Variants in CRACDL observed in about 807,000 individuals in gnomAD.
CRACDL encodes the protein CRACD-like protein.
Under a neutral mutation model 70.6 loss-of-function variants are expected in CRACDL, and 26 were observed. The observed-to-expected ratio is 0.37, with a 90% confidence interval of 0.27 to 0.51. The LOEUF is 0.51. Among genes scored for constraint, CRACDL ranks in the 20% least tolerant of loss-of-function variants. The pLI is 0.94. For missense variants in CRACDL, 1,283 were observed against 1,376.9 expected, an observed-to-expected ratio of 0.93 and a Z score of 1.08; for synonymous variants, 618 against 615.2, an observed-to-expected ratio of 1.00 and a Z score of -0.07.
chr2:98,833,903 A>T (rs970853729), intron 3 of CRACDL, among the ~76,000 whole-genome samples: 6 of 152,014 alleles, frequency 3.9e-5, no homozygotes, highest in Admixed American at 3.3e-4. Flanking sequence ...GGCATTAAGG[A>T]CTCTGAGGTG....
In CRACDL at chr2:98,794,593, C is replaced by G; in HGVS notation, c.2828G>C (p.Trp943Ser). 6.2e-7 allele frequency: 1 copy of G among 1,613,766 alleles called. No individual in the cohort carries two copies. The change falls in exon 10 of 10, where the codon TGG becomes TCG. Residue 943 changes from tryptophan (W) to serine (S), a missense_variant. Trp to Ser is a radical substitution (Grantham distance 177). Around this residue, in one of 2 missense-constraint regions of CRACDL, gnomAD observed 921 missense variants for 881.9 expected, o/e 1.04. Coordinates refer to ENST00000397899, the MANE Select transcript of CRACDL (RefSeq NM_207362.3). Reference protein sequence around the residue: ...ASYASTDQPSWMELARKKSQA... With the variant: ...ASYASTDQPSSMELARKKSQA... ...AGATTTCTTTCTGGCAAGTTCCATCCAGGATGGCTGATCTGTACTGGCATA... is the reference window on the plus strand; with the variant it reads ...AGATTTCTTTCTGGCAAGTTCCATCGAGGATGGCTGATCTGTACTGGCATA...
At chr2:98,918,487 G>A (rs1380506274) in intron 1 of CRACDL, among the ~76,000 whole-genome samples, 3 of 139,198 alleles carry the variant, frequency 2.2e-5, no homozygotes, top group Admixed American at 7.8e-5. Context: ...GCAGTGAGAC[G>A]AGATCACGCC....
chr2:98,925,628 G>A (rs935743943), intron 1 of CRACDL, among the ~76,000 whole-genome samples: 32 of 152,268 alleles, frequency 2.1e-4, no homozygotes, highest in African/African-American at 5.1e-4. Context: ...AGTGCGCCTC[G>A]TGAGGGAAGC....
At chr2:98,902,910 C>A (rs545346948) in intron 1 of CRACDL, among the ~76,000 whole-genome samples, 1 of 152,290 alleles carries the variant, frequency 6.6e-6, no homozygotes, top group South Asian at 2.1e-4. Flanking sequence ...GGAAAACGAA[C>A]CGACTGTCCT....
chr2:98,908,650 G>A (rs1169923977), intron 1 of CRACDL: 1 of 152,242 alleles, frequency 6.6e-6, no homozygotes, highest in Non-Finnish European at 1.5e-5. Context: ...TCCCTTCCCT[G>A]GTACAAGCTG....
intron 1 of CRACDL, among the ~76,000 whole-genome samples, chr2:98,920,792 G>C (rs927357830): frequency 1.3e-5 from 2 of 152,116 alleles, no homozygotes; most frequent in African/African-American, 4.8e-5. Context: ...AATCACCCAC[G>C]TGTCTGTGTC....
In CRACDL at chr2:98,801,390, GGCTGAGCATCACCTTCCACAGT is replaced by G. The variant is rs1180602296; in HGVS notation, c.2417-3875_2417-3854del. 2.4e-4 allele frequency among the ~76,000 whole-genome samples: 36 copies of G among 152,348 alleles called. No homozygotes were observed. In the East Asian group the frequency reaches 6.2e-3, roughly 26 times the overall value. The stretch of plus-strand genomic sequence containing the variant: ...CAGATAAGCTGAGAAAGGGGTGATG[GGCTGAGCATCACCTTCCACAGT>G]GCTGAGCCTCAAAGAAGCTGTGCCT... On this transcript the variant is annotated intron_variant, in intron 7 of 9. Coordinates refer to ENST00000397899, the MANE Select transcript of CRACDL (RefSeq NM_207362.3).
intron 1 of CRACDL, among the ~76,000 whole-genome samples, chr2:98,922,539 G>C (rs577614960): frequency 6.6e-6 from 1 of 152,222 alleles, no homozygotes; most frequent in Admixed American, 6.5e-5. Context: ...TGTGCCCCCT[G>C]TGCCCAGTGG....
chr2:98,796,649 A>G (rs1448461861), intron 8 of CRACDL, among the ~76,000 whole-genome samples: 1 of 152,220 alleles, frequency 6.6e-6, no homozygotes, highest in East Asian at 1.9e-4. Flanking sequence ...CGCCTACATG[A>G]GGGTCTTCAA....
intron 2 of CRACDL, among the ~76,000 whole-genome samples, chr2:98,842,094 G>T (rs1021893243): frequency 1.3e-5 from 2 of 151,788 alleles, no homozygotes; most frequent in Non-Finnish European, 2.9e-5. Context: ...TCATCTTTTT[G>T]ATAAAATCCA....
intron 1 of CRACDL, among the ~76,000 whole-genome samples, chr2:98,934,215 T>G (rs1709153489): frequency 6.7e-6 from 1 of 148,178 alleles, no homozygotes; most frequent in Non-Finnish European, 1.5e-5. Flanking sequence ...TTTTTTTTTT[T>G]TGAGACTGAG....
rs941861026 is a variant in CRACDL, at chr2:98,796,313, G to C, written c.2605-49C>G. The C allele has an allele frequency of 3.2e-6, 5 of 1,579,030 alleles. No individual in the cohort carries two copies. The African/African-American group carries it at 5.4e-5, about 17-fold the overall frequency. On this transcript the variant is annotated intron_variant, in intron 8 of 9. Coordinates refer to ENST00000397899, the MANE Select transcript of CRACDL (RefSeq NM_207362.3). ...TGCCAAGTTAACAATGATTCAGACAGGGGCAAACACATCCAAAGTGAAGGA... is the reference window on the plus strand; with the variant it reads ...TGCCAAGTTAACAATGATTCAGACACGGGCAAACACATCCAAAGTGAAGGA...
intron 1 of CRACDL, among the ~76,000 whole-genome samples, chr2:98,914,780 C>T (rs867438279): frequency 1.1e-4 from 16 of 152,286 alleles, no homozygotes; most frequent in Middle Eastern, 6.8e-3. Context: ...TGGGCGGCTC[C>T]GGGCACAGGT....
chr2:98,796,437 G>A (rs904653094), intron 8 of CRACDL, among the ~76,000 whole-genome samples, 173 bp from the exon 9 acceptor site: 2 of 152,244 alleles, frequency 1.3e-5, no homozygotes, highest in Admixed American at 6.5e-5. Context: ...AGATGCTGGC[G>A]CTGGGACCAG....
chr2:98,847,108 A>G (rs2104537114), intron 1 of CRACDL, among the ~76,000 whole-genome samples: 1 of 152,360 alleles, frequency 6.6e-6, no homozygotes, highest in South Asian at 2.1e-4. Flanking sequence ...GCTTTTCTCA[A>G]ATTATAAGAA....
At chr2:98,858,498 G>C (rs1193694904) in intron 1 of CRACDL, among the ~76,000 whole-genome samples, 2 of 134,258 alleles carry the variant, frequency 1.5e-5, no homozygotes, top group Non-Finnish European at 1.5e-5. Context: ...CTGGGTGACA[G>C]AGTGAGACTC....
At chr2:98,796,015 T>C (rs1703802237) in intron 9 of CRACDL, 105 bp downstream of exon 9, 4 of 1,028,256 alleles carry the variant, frequency 3.9e-6, no homozygotes, top group South Asian at 2.6e-5. Flanking sequence ...GAAAACTCAA[T>C]GTTGCAAGTA....
chr2:98,830,742 G>A lies in CRACDL; in HGVS notation c.540+1606C>T, dbSNP rs564021901. Among the ~76,000 whole-genome samples, 10 of 152,246 alleles carry A rather than the reference G, an allele frequency of 6.6e-5. No homozygotes were observed. The East Asian group carries it at 1.9e-3, about 29-fold the overall frequency. On this transcript the variant is annotated intron_variant, in intron 5 of 9. Coordinates refer to ENST00000397899, the MANE Select transcript of CRACDL (RefSeq NM_207362.3). ...GTGCTGTGAGAGATAAAGTCAGGCTGGCCCAGCCGAGCCAGCTGTGGAATT... is the reference window on the plus strand; with the variant it reads ...GTGCTGTGAGAGATAAAGTCAGGCTAGCCCAGCCGAGCCAGCTGTGGAATT...
At chr2:98,803,081 GCTCCGC>G (rs909859460) in intron 7 of CRACDL, among the ~76,000 whole-genome samples, 1 of 148,836 alleles carries the variant, frequency 6.7e-6, no homozygotes, top group African/African-American at 2.5e-5. Context: ...CTCACTGCAA[GCTCCGC>G]CTCCTGGGTT....
Sources: gnomAD v4.1 joint callset for allele counts (sites outside exome capture counted in the v4.1 genomes callset) on GRCh38, gnomAD v4.1.1 for gene constraint, gnomAD v4.1.1 regional missense constraint, MANE v1.5 for transcripts, NCBI Gene and HGNC (gene_info 2026-07-23, HGNC 2026-07-21) for gene names.